The following MMP14 variants were observed in gnomAD, a reference collection of about 807,000 sequenced individuals.
The protein encoded by MMP14 is matrix metalloproteinase-14.
MMP14 carries 13 observed loss-of-function variants against 64.8 expected under a neutral mutation model. The ratio of observed to expected loss-of-function variants is 0.20; its 90% CI spans 0.13 to 0.32. The LOEUF is 0.32. MMP14 is among the 10% of genes least tolerant of loss of function. The pLI is 1.00. For synonymous variants in MMP14, 322 were observed against 315.9 expected, an observed-to-expected ratio of 1.02 and a Z score of -0.20; for missense variants, 594 against 783.8, an observed-to-expected ratio of 0.76 and a Z score of 2.89.
rs936226856 is a variant in MMP14 at position 22,846,279 on chromosome 14, G to A, written c.*240G>A. 7.6e-5 allele frequency: 39 copies of A among 514,720 alleles called. No homozygotes were observed. Among genetic ancestry groups the A allele is most frequent in the Non-Finnish European group, 1.0e-5 (3 of 293,634 alleles). 31.9% of individuals were successfully genotyped at this position (514,720 alleles called of 1,614,324 possible). A position where few individuals can be genotyped will look rare whatever the true frequency, so the allele number is the denominator to read the frequency against. On this transcript the variant is annotated 3_prime_UTR_variant, in exon 10 of 10. Transcript: ENST00000311852. ...CTGAGTGGGAGGGCGGCCCTTTCCAGCCTCTGCCCCTCAGGGGAACCCTGT... is the reference window on the plus strand; with the variant it reads ...CTGAGTGGGAGGGCGGCCCTTTCCAACCTCTGCCCCTCAGGGGAACCCTGT...
chr14:22,838,356 G>A (rs2039749962), intron 1 of MMP14, among the ~76,000 whole-genome samples: 1 of 152,096 alleles, frequency 6.6e-6, no homozygotes, highest in Non-Finnish European at 1.5e-5. Context: ...GGGGAGGGGC[G>A]GCTGCCCTGG....
chr14:22,838,991 C>A (rs991733829), intron 1 of MMP14, among the ~76,000 whole-genome samples: 1 of 152,182 alleles, frequency 6.6e-6, no homozygotes, highest in Non-Finnish European at 1.5e-5. Flanking sequence ...AATATTTAGA[C>A]CCCCCTAGCT....
Position 22,843,551 on chromosome 14 carries a change from A to AGCCCAT in MMP14, c.850+133_850+134insGCCCAT. On this transcript the variant is annotated intron_variant, in intron 5 of 9. Coordinates refer to ENST00000311852, the MANE Select transcript of MMP14 (RefSeq NM_004995.4). This position sits in a 1 kb window ranked among gnomAD's most constrained non-coding sequence, Gnocchi z 4.8. ...ACCTGCCCCTGCCTCTATCAGCTCC[A>AGCCCAT]CTTTTGAGCCCATCTTTTGTGTCGC... 2 of 1,388,812 alleles carry AGCCCAT rather than the reference A, an allele frequency of 1.4e-6. No homozygotes were observed. Among genetic ancestry groups the AGCCCAT allele is most frequent in the Non-Finnish European group, 2.0e-6 (2 of 1,018,694 alleles). 86.0% of individuals were successfully genotyped at this position (1,388,812 alleles called of 1,614,324 possible).
chr14:22,844,149 A>G (rs186062361), intron 6 of MMP14, among the ~76,000 whole-genome samples: 1 of 150,906 alleles, frequency 6.6e-6, no homozygotes, highest in Admixed American at 6.6e-5. Flanking sequence ...GTGAGCCGAG[A>G]TAGGGCCATT....
intron 1 of MMP14, among the ~76,000 whole-genome samples, chr14:22,840,512 CTTT>C (rs768214975): frequency 6.9e-6 from 1 of 144,172 alleles, no homozygotes. Flanking sequence ...TGTTGAGAAT[CTTT>C]TTTTTTTTTT....
Position 22,842,646 on chromosome 14 carries a change from G to GC in MMP14, c.621dup (p.Asn208GlnfsTer9). ...TTCCTGGCCCATGCCTACTTCCCAG[G>GC]CCCCAACATTGGAGGAGACACCCAC... On this transcript the variant is annotated frameshift_variant, in exon 4 of 10. Coordinates refer to ENST00000311852, the MANE Select transcript of MMP14 (RefSeq NM_004995.4). LOFTEE classifies it high-confidence loss of function. This position sits in a 1 kb window ranked among gnomAD's most constrained non-coding sequence, Gnocchi z 5.3. The GC allele has an allele frequency of 6.2e-7, 1 of 1,614,076 alleles. No individual in the cohort carries two copies. Among genetic ancestry groups the GC allele is most frequent in the Non-Finnish European group, 8.5e-7 (1 of 1,179,960 alleles).
Position 22,846,684 on chromosome 14 carries a change from C to G in MMP14, c.*645C>G, listed in dbSNP as rs1595017188. The stretch of plus-strand genomic sequence containing the variant: ...GAGATCTGCCTCTGCCTCACCTACC[C>G]CAGGGAACTTCCAAGGAAGGAGCCT... On this transcript the variant is annotated 3_prime_UTR_variant, in exon 10 of 10. Coordinates refer to ENST00000311852, the MANE Select transcript of MMP14 (RefSeq NM_004995.4). 1 of 151,774 alleles carries G rather than the reference C, an allele frequency of 6.6e-6. No homozygotes were observed. The highest frequency in any genetic ancestry group is 1.9e-4 in the East Asian group (1 of 5,168). 9.4% of individuals were successfully genotyped at this position (151,774 alleles called of 1,614,324 possible).
At position 22,846,129 on chromosome 14, in the gene MMP14, C is replaced by A. The variant is rs936294690; in HGVS notation, c.*90C>A. Reference sequence around the variant, plus strand: ...GTGGTGGTGGGTGGGCTGTTCCCATCGTCCCGAGCCCCCTCCCCGCAGCCT... The same window carrying A: ...GTGGTGGTGGGTGGGCTGTTCCCATAGTCCCGAGCCCCCTCCCCGCAGCCT... On this transcript the variant is annotated 3_prime_UTR_variant, in exon 10 of 10. Transcript: ENST00000311852. 4.8e-6 allele frequency: 6 copies of A among 1,247,232 alleles called. No homozygotes were observed. Among genetic ancestry groups the A allele is most frequent in the East Asian group, 5.2e-5 (2 of 38,786 alleles). 77.3% of individuals were successfully genotyped at this position (1,247,232 alleles called of 1,614,324 possible).
intron 8 of MMP14, among the ~76,000 whole-genome samples, 159 bp downstream of exon 8, chr14:22,844,939 T>C (rs2039801363): frequency 6.6e-6 from 1 of 152,124 alleles, no homozygotes; most frequent in African/African-American, 2.4e-5. Context: ...CAGCCTCCTT[T>C]GGGCACCGTG....
Position 22,847,453 on chromosome 14 carries a change from G to C in MMP14, c.*1414G>C, listed in dbSNP as rs1370408319. On this transcript the variant is annotated 3_prime_UTR_variant, in exon 10 of 10. Coordinates refer to ENST00000311852, the MANE Select transcript of MMP14 (RefSeq NM_004995.4). ...GTGAGACCCAGTGGAGGGAGCAAGA[G>C]GAGAGGGATGTCGGGGGGGTGGGGC... 1 of 150,800 alleles carries C rather than the reference G, an allele frequency of 6.6e-6. No individual in the cohort carries two copies. The highest frequency in any genetic ancestry group is 2.4e-5 in the African/African-American group (1 of 41,174). 9.3% of individuals were successfully genotyped at this position (150,800 alleles called of 1,614,324 possible).
In MMP14 at chr14:22,843,891, T is replaced by C. The variant is rs17880907; in HGVS notation, c.1011+21T>C. Reference sequence around the variant, plus strand: ...TCAAGGTGAGAAGAAGTGGGCTGGTTTGAAAGACAAAAGGGCCCTATGGGC... The same window carrying C: ...TCAAGGTGAGAAGAAGTGGGCTGGTCTGAAAGACAAAAGGGCCCTATGGGC... On this transcript the variant is annotated intron_variant, in intron 6 of 9. Transcript: ENST00000311852. The surrounding 1 kb of genome is among the most constrained non-coding windows in gnomAD (Gnocchi z 4.8). 1.3e-3 allele frequency: 2,166 copies of C among 1,605,644 alleles called. 30 individuals are homozygous for C. The African/African-American group carries it at 0.027, about 20-fold the overall frequency.
In MMP14 at chr14:22,846,650, A is replaced by C. The variant is rs746236649; in HGVS notation, c.*611A>C. Reference sequence around the variant, plus strand: ...AGGGTCTTCGTTGCTCAGTCAGTCAAGTTCCTCGGAGATCTGCCTCTGCCT... The same window carrying C: ...AGGGTCTTCGTTGCTCAGTCAGTCACGTTCCTCGGAGATCTGCCTCTGCCT... On this transcript the variant is annotated 3_prime_UTR_variant, in exon 10 of 10. Coordinates refer to ENST00000311852, the MANE Select transcript of MMP14 (RefSeq NM_004995.4). 1 of 152,770 alleles carries C rather than the reference A, an allele frequency of 6.5e-6. No homozygotes were observed. Among genetic ancestry groups the C allele is most frequent in the Non-Finnish European group, 1.5e-5 (1 of 68,140 alleles). The allele number at this position is 152,770 out of a possible 1,614,324, so 9.5% of individuals were successfully genotyped here.
chr14:22,845,838 G>A lies in MMP14; in HGVS notation c.1548G>A (p.Glu516=), dbSNP rs1229079834. 1 of 1,614,074 alleles carries A rather than the reference G, an allele frequency of 6.2e-7. No homozygotes were observed. The highest frequency in any genetic ancestry group is 2.2e-5 in the East Asian group (1 of 44,892). ...MGCPSGGRPD[E]GTEEETEVII... is the part of the protein sequence containing the mutation. Reference sequence around the variant, plus strand: ...GCCCATCGGGAGGCCGGCCGGATGAGGGGACTGAGGAGGAGACGGAGGTGA... The same window carrying A: ...GCCCATCGGGAGGCCGGCCGGATGAAGGGACTGAGGAGGAGACGGAGGTGA... Residue 516 remains glutamate, a synonymous_variant, in exon 10 of 10, where the codon GAG becomes GAA. Coordinates refer to ENST00000311852, the MANE Select transcript of MMP14 (RefSeq NM_004995.4).
rs778793506 is a variant in MMP14 at position 22,845,303 on chromosome 14, A to G, written c.1354A>G (p.Asn452Asp). 2 of 1,613,438 alleles carry G rather than the reference A, an allele frequency of 1.2e-6. No individual in the cohort carries two copies. Among genetic ancestry groups the G allele is most frequent in the African/African-American group, 2.7e-5 (2 of 74,860 alleles). Reference protein sequence around the residue: ...LRAVDSEYPKNIKVWEGIPES... With the variant: ...LRAVDSEYPKDIKVWEGIPES... ...GGCAGTGGATAGCGAGTACCCCAAGAACATCAAAGTCTGGGAAGGGATCCC... is the reference window on the plus strand; with the variant it reads ...GGCAGTGGATAGCGAGTACCCCAAGGACATCAAAGTCTGGGAAGGGATCCC... The change falls in exon 9 of 10, where the codon AAC becomes GAC. Residue 452 changes from asparagine to aspartate, a missense_variant. This residue lies in a region of MMP14 where 364 missense variants were observed against 425.2 expected (regional missense o/e 0.86). Transcript: ENST00000311852.
rs911878094 is a variant in MMP14, at chr14:22,843,355, T to A, written c.787T>A (p.Trp263Arg). ...GGCCATCATGGCACCCTTTTACCAG[T>A]GGATGGACACGGAGAATTTTGTGCT... ...PSAIMAPFYQ[W>R]MDTENFVLPD... The change falls in exon 5 of 10, where the codon TGG (tryptophan) becomes AGG (arginine). Residue 263 changes from tryptophan (W) to arginine (R), a missense_variant. By Grantham distance (101) the Trp-to-Arg change is moderately radical. This residue lies in a region of MMP14 where 364 missense variants were observed against 425.2 expected (regional missense o/e 0.86). Coordinates refer to ENST00000311852, the MANE Select transcript of MMP14 (RefSeq NM_004995.4). The surrounding 1 kb of genome is among the most constrained non-coding windows in gnomAD (Gnocchi z 4.8). The A allele has an allele frequency of 1.2e-6, 2 of 1,614,066 alleles. No individual in the cohort carries two copies. Among genetic ancestry groups the A allele is most frequent in the South Asian group, 2.2e-5 (2 of 91,084 alleles).
intron 1 of MMP14, among the ~76,000 whole-genome samples, chr14:22,837,770 C>A (rs1314108980): frequency 6.6e-6 from 1 of 152,228 alleles, no homozygotes; most frequent in African/African-American, 2.4e-5. Flanking sequence ...TCGGGCGCCC[C>A]CCACCCTCAC....
At chr14:22,839,730 T>C (rs1000926575) in intron 1 of MMP14, among the ~76,000 whole-genome samples, 2 of 151,944 alleles carry the variant, frequency 1.3e-5, no homozygotes, top group African/African-American at 4.8e-5. Flanking sequence ...AGCCCAGAGG[T>C]GAAGGACCAT....
At position 22,842,322 on chromosome 14, in the gene MMP14, G is replaced by A; in HGVS notation, c.381-88G>A. ...CAGGCAGAGGTGGCTGGGCCGCGCAGTCAGACCTGGGAGAGTGCAGGGAAG... is the reference window on the plus strand; with the variant it reads ...CAGGCAGAGGTGGCTGGGCCGCGCAATCAGACCTGGGAGAGTGCAGGGAAG... On this transcript the variant is annotated intron_variant, in intron 3 of 9. Coordinates refer to ENST00000311852, the MANE Select transcript of MMP14 (RefSeq NM_004995.4). This position sits in a 1 kb window ranked among gnomAD's most constrained non-coding sequence, Gnocchi z 5.3. The A allele has an allele frequency of 6.8e-7, 1 of 1,463,842 alleles. No individual in the cohort carries two copies. Among genetic ancestry groups the A allele is most frequent in the Non-Finnish European group, 9.3e-7 (1 of 1,075,014 alleles). 90.7% of individuals were successfully genotyped at this position (1,463,842 alleles called of 1,614,324 possible). A position where few individuals can be genotyped will look rare whatever the true frequency, so the allele number is the denominator to read the frequency against.
chr14:22,841,045 C>T (rs1315586103), intron 1 of MMP14, among the ~76,000 whole-genome samples: 1 of 152,222 alleles, frequency 6.6e-6, no homozygotes, highest in Non-Finnish European at 1.5e-5. Flanking sequence ...CCCAGGAGGG[C>T]CTCAGGTCAA....
Sources: allele counts gnomAD v4.1 joint callset (sites outside exome capture counted in the v4.1 genomes callset), GRCh38; gene constraint gnomAD v4.1.1; regional missense constraint gnomAD v4.1.1; non-coding constraint Gnocchi (gnomAD v3.1); transcripts MANE v1.5; gene names NCBI Gene and HGNC (gene_info 2026-07-23, HGNC 2026-07-21).